The following PCDHGA1 variants were observed in gnomAD, a reference collection of about 807,000 sequenced individuals.
The protein encoded by PCDHGA1 is protocadherin gamma subfamily A, 1.
In PCDHGA1, 32 loss-of-function variants were observed where a neutral mutation model predicts 58.0. That is an observed-to-expected ratio of 0.55 (90% CI 0.42 to 0.74). The LOEUF is 0.74. Among genes scored for constraint, PCDHGA1 ranks in the 30% least tolerant of loss-of-function variants. PCDHGA1 has a pLI of 0.00. For synonymous variants in PCDHGA1, 498 were observed against 501.1 expected (o/e 0.99, Z 0.08); for missense variants, 1,205 against 1,182.3 (o/e 1.02, Z -0.28).
chr5:141,423,969 C>G, intron 1 of PCDHGA1: 1 of 1,147,718 alleles, frequency 8.7e-7, no homozygotes, highest in Non-Finnish European at 1.1e-6. Flanking sequence ...TTTCTATTAT[C>G]AGTGTATGAG....
chr5:141,377,571 G>A (rs1188090213), intron 1 of PCDHGA1: 1 of 151,658 alleles, frequency 6.6e-6, no homozygotes, highest in African/African-American at 2.4e-5. Context: ...ACCCTAGCCT[G>A]GGAGACAGAA....
chr5:141,409,513 C>G (rs2095276446), intron 1 of PCDHGA1: 1 of 1,614,030 alleles, frequency 6.2e-7, no homozygotes, highest in South Asian at 1.1e-5. Flanking sequence ...CCAGTAGAAG[C>G]ATCACCTTGT....
chr5:141,362,349 G>T (rs765171901), intron 1 of PCDHGA1: 1 of 1,613,918 alleles, frequency 6.2e-7, no homozygotes, highest in Non-Finnish European at 8.5e-7. Context: ...CTGGACCTGG[G>T]GTTCTCCCCA....
At chr5:141,343,668 A>C (rs1410986735) in intron 1 of PCDHGA1, among the ~76,000 whole-genome samples, 1 of 152,364 alleles carries the variant, frequency 6.6e-6, no homozygotes, top group East Asian at 1.9e-4. Context: ...CGATTCAATT[A>C]TGTTCAATCA....
chr5:141,356,135 CTG>C (rs753275749), intron 1 of PCDHGA1: 2 of 1,613,762 alleles, frequency 1.2e-6, no homozygotes, highest in Non-Finnish European at 1.7e-6. Flanking sequence ...TATGAGGACT[CTG>C]GATTCTATGA....
At chr5:141,360,217 G>C (rs749014540) in intron 1 of PCDHGA1, 1 of 1,613,398 alleles carries the variant, frequency 6.2e-7, no homozygotes, top group Non-Finnish European at 8.5e-7. Flanking sequence ...GTTCCCCGGG[G>C]CTCTCCCAGT....
chr5:141,409,541 G>A (rs1485327824), intron 1 of PCDHGA1: 5 of 1,613,852 alleles, frequency 3.1e-6, no homozygotes, highest in South Asian at 1.1e-5. Flanking sequence ...TGACATCAAC[G>A]ACAACGCCCC....
intron 1 of PCDHGA1, chr5:141,394,087 C>G (rs2092917292): frequency 6.2e-7 from 1 of 1,613,770 alleles, no homozygotes; most frequent in Admixed American, 1.7e-5. Flanking sequence ...GTGATGGCCT[C>G]AGATCTAGGA....
At chr5:141,492,423 G>C (rs1164828445) in intron 1 of PCDHGA1, among the ~76,000 whole-genome samples, 1 of 152,222 alleles carries the variant, frequency 6.6e-6, no homozygotes, top group African/African-American at 2.4e-5. Context: ...CCCTCCGCCG[G>C]GCTCAGGAGT....
At chr5:141,510,525 G>A (rs545854649) in intron 3 of PCDHGA1, among the ~76,000 whole-genome samples, 1 of 152,316 alleles carries the variant, frequency 6.6e-6, no homozygotes, top group African/African-American at 2.4e-5. Context: ...ACAGCCCTGA[G>A]AGAAATACCA....
intron 1 of PCDHGA1, chr5:141,361,654 G>A (rs779307225): frequency 1.2e-6 from 2 of 1,613,664 alleles, no homozygotes; most frequent in African/African-American, 1.3e-5. Context: ...CTACGTGTCC[G>A]TGAGCGCGCA....
chr5:141,383,038 G>C, intron 1 of PCDHGA1: 1 of 1,613,858 alleles, frequency 6.2e-7, no homozygotes, highest in Non-Finnish European at 8.5e-7. Flanking sequence ...CTTTGTGGGA[G>C]ACATCGCCAA....
intron 1 of PCDHGA1, among the ~76,000 whole-genome samples, chr5:141,470,011 C>T (rs2099218489): frequency 6.6e-6 from 1 of 152,144 alleles, no homozygotes; most frequent in Non-Finnish European, 1.5e-5. Context: ...CGCCTGTAAT[C>T]CCAGCTACTC....
intron 1 of PCDHGA1, among the ~76,000 whole-genome samples, chr5:141,336,464 T>C (rs1035165433): frequency 6.6e-6 from 1 of 152,218 alleles, no homozygotes; most frequent in Non-Finnish European, 1.5e-5. Flanking sequence ...TTATTTCCAA[T>C]ATATTTTTCT....
Position 141,490,731 on chromosome 5 carries a change from G to A in PCDHGA1, c.2422-4076G>A, listed in dbSNP as rs139283997. The A allele has an allele frequency of 6.8e-6, 11 of 1,614,080 alleles. No homozygotes were observed. In the African/African-American group the frequency reaches 1.1e-4, roughly 16 times the overall value. Reference sequence around the variant, plus strand: ...TCACCTACTCCATTGTAGGAAATCAGGTTCAGGGAGCCCCAGCCTCCTCCT... The same window carrying A: ...TCACCTACTCCATTGTAGGAAATCAAGTTCAGGGAGCCCCAGCCTCCTCCT... On this transcript the variant is annotated intron_variant, in intron 1 of 3. Transcript: ENST00000517417. The surrounding 1 kb of genome is among the most constrained non-coding windows in gnomAD (Gnocchi z 5.4).
At chr5:141,437,939 T>C (rs1055613655) in intron 1 of PCDHGA1, among the ~76,000 whole-genome samples, 3 of 152,152 alleles carry the variant, frequency 2.0e-5, no homozygotes, top group African/African-American at 7.2e-5. Flanking sequence ...GGTTTCACCA[T>C]ATTGGCCAGA....
At chr5:141,360,499 A>G in intron 1 of PCDHGA1, 2 of 1,613,976 alleles carry the variant, frequency 1.2e-6, no homozygotes, top group Non-Finnish European at 1.7e-6. Flanking sequence ...CATAGCAGTA[A>G]TTGTGCAGGA....
intron 1 of PCDHGA1, chr5:141,389,283 GC>G (rs775524674): frequency 6.2e-7 from 1 of 1,614,022 alleles, no homozygotes; most frequent in South Asian, 1.1e-5. Context: ...CCCGCCTGGA[GC>G]CTCTATTTCA....
At chr5:141,372,515 G>A (rs1768826871) in intron 1 of PCDHGA1, 2 of 1,614,050 alleles carry the variant, frequency 1.2e-6, no homozygotes, top group Admixed American at 1.7e-5. Context: ...TCCTCGCGGT[G>A]ATTCTGGCAA....
Sources: allele counts gnomAD v4.1 joint callset (sites outside exome capture counted in the v4.1 genomes callset), GRCh38; gene constraint gnomAD v4.1.1; non-coding constraint Gnocchi (gnomAD v3.1); transcripts MANE v1.5; gene names NCBI Gene and HGNC (gene_info 2026-07-23, HGNC 2026-07-21).